Variants in CCDC91 observed in about 807,000 individuals in gnomAD.
The protein encoded by CCDC91 is coiled-coil domain containing 91.
CCDC91 carries 48 observed loss-of-function variants against 63.2 expected under a neutral mutation model. The ratio of observed to expected loss-of-function variants is 0.76; its 90% CI spans 0.60 to 0.97. CCDC91 has a LOEUF of 0.97. CCDC91 is among the 50% of genes least tolerant of loss of function. The pLI is 0.00. For synonymous variants in CCDC91, 167 were observed against 165.8 expected, an observed-to-expected ratio of 1.01 and a Z score of -0.06; for missense variants, 500 against 494.6, an observed-to-expected ratio of 1.01 and a Z score of -0.10.
At position 28,305,701 on chromosome 12, in the gene CCDC91, C is replaced by T. The variant is rs2137077822; in HGVS notation, c.162C>T (p.Asp54=). 1 of 1,613,344 alleles carries T rather than the reference C, an allele frequency of 6.2e-7. No homozygotes were observed. ...CTCCTGAGATTGTACTGGACCGTGA[C>T]CACTCTTCTTCCATTGGCTGCCTCT... The part of the protein sequence containing the change: ...PSSPEIVLDR[D]HSSSIGCLSS... Residue 54 remains aspartate (D), a synonymous_variant, in exon 4 of 13, where the codon GAC becomes GAT. Transcript: ENST00000536442.
At chr12:28,335,066 A>G (rs1941828027) in intron 6 of CCDC91, among the ~76,000 whole-genome samples, 1 of 145,646 alleles carries the variant, frequency 6.9e-6, no homozygotes, top group Non-Finnish European at 1.5e-5. Context: ...TAAAAAGTTA[A>G]ACATTAAAAT....
intron 6 of CCDC91, among the ~76,000 whole-genome samples, chr12:28,335,783 TC>T (rs1941929487): frequency 2.0e-5 from 3 of 152,044 alleles, no homozygotes; most frequent in Admixed American, 6.6e-5. Context: ...AGGCAAACAT[TC>T]TTATCTCCCC....
chr12:28,197,207 T>G (rs762720835), intron 1 of CCDC91, among the ~76,000 whole-genome samples: 15 of 152,124 alleles, frequency 9.9e-5, no homozygotes, highest in Admixed American at 2.0e-4. Flanking sequence ...GTCAGTATCA[T>G]TGGCTTTTTG....
intron 1 of CCDC91, among the ~76,000 whole-genome samples, chr12:28,192,781 G>A (rs989096407): frequency 2.6e-5 from 4 of 151,952 alleles, no homozygotes; most frequent in African/African-American, 9.7e-5. Context: ...GTTTTATTGA[G>A]GTATGATTTA....
At position 28,195,073 on chromosome 12, in the gene CCDC91, T is replaced by C. The variant is rs138179954; in HGVS notation, c.-15+4432T>C. On this transcript the variant is annotated intron_variant, in intron 1 of 12. Coordinates refer to ENST00000536442, the MANE Select transcript of CCDC91 (RefSeq NM_018318.5). ...CTCGGGTGGCCTGCTTTTATTCCCT[T>C]ATTTGGCCCCACTCACATCCTGCAG... Among the ~76,000 whole-genome samples, 1,061 of 152,282 alleles carry C rather than the reference T, an allele frequency of 7.0e-3. 11 individuals are homozygous for C. The highest frequency in any genetic ancestry group is 0.024 in the African/African-American group (1,012 of 41,536).
chr12:28,431,333 C>T (rs1948614375), intron 8 of CCDC91, among the ~76,000 whole-genome samples: 1 of 152,078 alleles, frequency 6.6e-6, no homozygotes, highest in African/African-American at 2.4e-5. Context: ...TTAAAATGCA[C>T]TGCTACAATA....
At chr12:28,194,142 T>C (rs1208617676) in intron 1 of CCDC91, among the ~76,000 whole-genome samples, 1 of 152,152 alleles carries the variant, frequency 6.6e-6, no homozygotes. Context: ...ATTTTTTTTC[T>C]TATGTTTTCT....
intron 1 of CCDC91, among the ~76,000 whole-genome samples, chr12:28,208,856 A>T (rs1450801456): frequency 6.6e-6 from 1 of 152,122 alleles, no homozygotes; most frequent in Non-Finnish European, 1.5e-5. Context: ...GCTGGAGTGC[A>T]GTGGCATGAT....
intron 12 of CCDC91, among the ~76,000 whole-genome samples, chr12:28,500,853 A>G (rs1422861539): frequency 2.0e-5 from 3 of 151,648 alleles, no homozygotes; most frequent in Admixed American, 1.3e-4. Flanking sequence ...TGAAGCCATA[A>G]TTTTATTTTT....
chr12:28,489,794 A>G (rs1033065232), intron 12 of CCDC91, among the ~76,000 whole-genome samples: 1 of 151,844 alleles, frequency 6.6e-6, no homozygotes, highest in African/African-American at 2.4e-5. Context: ...ATATTCTTGG[A>G]TGTTTGCATC....
chr12:28,545,191 A>G (rs929663998), intron 12 of CCDC91, among the ~76,000 whole-genome samples: 15 of 152,050 alleles, frequency 9.9e-5, no homozygotes, highest in African/African-American at 3.4e-4. Context: ...TTTCATTACT[A>G]TGTCACAGAA....
intron 12 of CCDC91, among the ~76,000 whole-genome samples, chr12:28,498,760 A>G (rs968187589): frequency 1.3e-5 from 2 of 151,690 alleles, no homozygotes; most frequent in African/African-American, 4.8e-5. Flanking sequence ...TTCACTATTC[A>G]TTCAGTGAAC....
At chr12:28,212,113 T>G (rs1943273040) in intron 1 of CCDC91, among the ~76,000 whole-genome samples, 1 of 152,178 alleles carries the variant, frequency 6.6e-6, no homozygotes, top group South Asian at 2.1e-4. Context: ...GTGAGATCAG[T>G]GGACACAAAT....
chr12:28,448,585 A>T (rs1438338736), intron 8 of CCDC91, among the ~76,000 whole-genome samples: 1 of 152,138 alleles, frequency 6.6e-6, no homozygotes, highest in Non-Finnish European at 1.5e-5. Flanking sequence ...TTATTGGACC[A>T]CTTAGGAAAT....
intron 1 of CCDC91, among the ~76,000 whole-genome samples, chr12:28,203,382 A>G (rs7957056): frequency 0.26 from 39,351 of 151,910 alleles, 5,328 homozygotes; most frequent in Non-Finnish European, 0.31. Context: ...GTCACTGTGT[A>G]GTATTTTAAT....
intron 11 of CCDC91, among the ~76,000 whole-genome samples, chr12:28,460,526 CT>C: frequency 6.6e-6 from 1 of 152,086 alleles, no homozygotes; most frequent in East Asian, 1.9e-4. Flanking sequence ...ATAATACCTG[CT>C]TTGCATAGTT....
At chr12:28,194,890 G>A (rs1389159995) in intron 1 of CCDC91, among the ~76,000 whole-genome samples, 1 of 152,160 alleles carries the variant, frequency 6.6e-6, no homozygotes, top group Non-Finnish European at 1.5e-5. Flanking sequence ...TGGTCTCGCT[G>A]GCTTCAGGAG....
At chr12:28,237,632 C>T (rs1377537827) in intron 1 of CCDC91, among the ~76,000 whole-genome samples, 1 of 152,154 alleles carries the variant, frequency 6.6e-6, no homozygotes, top group African/African-American at 2.4e-5. Context: ...CTAGAGCCTC[C>T]AGAGGGAGCC....
At chr12:28,530,295 T>G (rs554818890) in intron 12 of CCDC91, among the ~76,000 whole-genome samples, 19 of 152,326 alleles carry the variant, frequency 1.2e-4, no homozygotes, top group South Asian at 1.2e-3. Flanking sequence ...AACTAGCGTA[T>G]GAGAGAGGAT....
Sources: gnomAD v4.1 joint callset for allele counts (sites outside exome capture counted in the v4.1 genomes callset) on GRCh38, gnomAD v4.1.1 for gene constraint, MANE v1.5 for transcripts, NCBI Gene and HGNC (gene_info 2026-07-23, HGNC 2026-07-21) for gene names.